The following DMD variants were observed in gnomAD, a reference collection of about 807,000 sequenced individuals.
The protein encoded by DMD is mutant dystrophin.
A neutral mutation model predicts 330.1 loss-of-function variants in DMD; 63 were observed. The observed-to-expected ratio is 0.19, with a 90% confidence interval of 0.16 to 0.24. The LOEUF (loss-of-function observed/expected upper bound fraction) is 0.24, where lower values mean the gene tolerates loss of function less well. Ranked by LOEUF, DMD falls within the 10% of genes least tolerant of loss-of-function variation. The probability of loss-of-function intolerance (pLI) is 1.00; values close to 1 mark genes in which losing one functional copy is unlikely to be tolerated. For missense variants in DMD, 3,344 were observed against 2,684.1 expected (o/e 1.25, Z -5.43); for synonymous variants, 1,223 against 959.8 (o/e 1.27, Z -5.07).
chrX:32,795,974 C>T (rs376133567), intron 7 of DMD, among the ~76,000 whole-genome samples: 5 of 110,734 alleles, frequency 4.5e-5, no homozygotes, highest in Admixed American at 9.6e-5. Flanking sequence ...CGAGGTGCAA[C>T]GAAAAGGGAA....
chrX:32,767,767 A>G (rs1052932831), intron 7 of DMD, among the ~76,000 whole-genome samples: 4 of 111,799 alleles, frequency 3.6e-5, no homozygotes, highest in African/African-American at 1.3e-4. Flanking sequence ...TGTCACAAGA[A>G]CCGATGCTTT....
At chrX:33,237,045 T>C (rs760658959) in intron 1 of DMD, among the ~76,000 whole-genome samples, 2 of 111,369 alleles carry the variant, frequency 1.8e-5, no homozygotes, top group South Asian at 7.5e-4. Context: ...GGATAGACTA[T>C]GTCAGCCCCA....
At chrX:31,204,222 C>T in intron 66 of DMD, 104 bp from the exon 67 acceptor site, 2 of 714,114 alleles carry the variant, frequency 2.8e-6, no homozygotes, top group Non-Finnish European at 4.4e-6. Context: ...CAAGAGTAGC[C>T]AGTATTTCCA....
intron 1 of DMD, among the ~76,000 whole-genome samples, chrX:33,225,856 T>C (rs775172079): frequency 3.6e-5 from 4 of 110,839 alleles, no homozygotes; most frequent in Non-Finnish European, 7.6e-5. Context: ...AGAATTCATG[T>C]AACCCAAAAG....
At chrX:32,372,085 T>A (rs1474980535) in intron 34 of DMD, among the ~76,000 whole-genome samples, 2 of 111,606 alleles carry the variant, frequency 1.8e-5, no homozygotes, top group Non-Finnish European at 3.8e-5. Flanking sequence ...GTACCAGGAC[T>A]TGTATTTGTT....
intron 44 of DMD, among the ~76,000 whole-genome samples, chrX:32,156,900 C>G (rs1274818644): frequency 9.1e-6 from 1 of 110,223 alleles, no homozygotes; most frequent in Non-Finnish European, 1.9e-5. Context: ...TTCCAAAGTG[C>G]CCTACATCCC....
chrX:32,892,207 T>C (rs2085273466), intron 2 of DMD, among the ~76,000 whole-genome samples: 1 of 111,906 alleles, frequency 8.9e-6, no homozygotes, highest in Non-Finnish European at 1.9e-5. Flanking sequence ...TACAGTTTCA[T>C]AGCCTTCTGT....
chrX:31,359,336 TCTTTA>T (rs1332024758), intron 60 of DMD, among the ~76,000 whole-genome samples: 2 of 112,067 alleles, frequency 1.8e-5, no homozygotes, highest in African/African-American at 3.2e-5. Context: ...GGCTTGAGAA[TCTTTA>T]CTTTCTTTAA....
At chrX:31,565,041 TTTTA>T (rs1481162828) in intron 55 of DMD, among the ~76,000 whole-genome samples, 10 of 112,273 alleles carry the variant, frequency 8.9e-5, no homozygotes, top group African/African-American at 3.2e-4. Flanking sequence ...TTCTGAATTG[TTTTA>T]TTTGTTTTTT....
chrX:32,044,838 A>G (rs2096049818), intron 44 of DMD, among the ~76,000 whole-genome samples: 1 of 112,477 alleles, frequency 8.9e-6, no homozygotes, highest in African/African-American at 3.2e-5. Flanking sequence ...TTCAATAAAG[A>G]AAAATATAAG....
intron 1 of DMD, among the ~76,000 whole-genome samples, chrX:33,126,041 G>GA (rs67476868): frequency 4.9e-5 from 5 of 101,565 alleles, no homozygotes; most frequent in Non-Finnish European, 5.9e-5. Flanking sequence ...TCCGTCTCAA[G>GA]AAAAAAAAAA....
rs190375527 is a variant in DMD at position 31,793,418 on chromosome X, C to T, written c.7310-19226G>A. On this transcript the variant is annotated intron_variant, in intron 50 of 78. Coordinates refer to ENST00000357033, the MANE Select transcript of DMD (RefSeq NM_004006.3). ...CTATATTGATACAGGTGCTCCTCAACGTACAATGGGATTATTTCCTGATAA... is the reference window on the plus strand; with the variant it reads ...CTATATTGATACAGGTGCTCCTCAATGTACAATGGGATTATTTCCTGATAA... 5.2e-4 allele frequency among the ~76,000 whole-genome samples: 58 copies of T among 111,283 alleles called. 1 individual carries two copies. The highest frequency in any genetic ancestry group is 2.4e-3 in the Admixed American group (25 of 10,434).
intron 63 of DMD, among the ~76,000 whole-genome samples, chrX:31,242,023 G>A (rs977482923): frequency 1.0e-4 from 11 of 110,089 alleles, no homozygotes; most frequent in Non-Finnish European, 5.7e-5. Context: ...TTAGGAAGCC[G>A]AGATGGGCAG....
At chrX:31,213,534 T>C (rs1453601241) in intron 64 of DMD, among the ~76,000 whole-genome samples, 2 of 111,915 alleles carry the variant, frequency 1.8e-5, no homozygotes, top group Non-Finnish European at 3.8e-5. Flanking sequence ...AGAGAGAAAA[T>C]GCATCGTGGT....
intron 42 of DMD, among the ~76,000 whole-genome samples, chrX:32,295,171 G>A (rs1006270200): frequency 5.4e-5 from 6 of 111,817 alleles, no homozygotes; most frequent in South Asian, 7.4e-4. Context: ...TTCTGCAAAA[G>A]GAAATTCTAA....
chrX:32,756,503 A>G (rs1448859619), intron 7 of DMD: 2 of 111,974 alleles, frequency 1.8e-5, no homozygotes, highest in Non-Finnish European at 3.8e-5. Context: ...ATATTTAAAT[A>G]ACCCTATGGG....
Position 31,444,579 on chromosome X carries a change from T to C in DMD, c.8986A>G (p.Asn2996Asp). The C allele has an allele frequency of 8.3e-7, 1 of 1,211,723 alleles. No individual in the cohort carries two copies. Among genetic ancestry groups the C allele is most frequent in the South Asian group, 1.8e-5 (1 of 57,002 alleles). The stretch of plus-strand genomic sequence containing the variant: ...GTGGTAAGCTGGCGAGCAAGGTCAT[T>C]GACGTGGCTCACGTTCTCTTTCAGA... Reference protein sequence around the residue: ...APLKENVSHVNDLARQLTTLG... With the variant: ...APLKENVSHVDDLARQLTTLG... The change falls in exon 60 of 79, where the codon AAT becomes GAT. Residue 2996 changes from asparagine to aspartate, a missense_variant. By Grantham distance (23) the Asn-to-Asp change is conservative. Transcript: ENST00000357033.
At chrX:31,366,379 C>T (rs2059229414) in intron 60 of DMD, among the ~76,000 whole-genome samples, 1 of 98,311 alleles carries the variant, frequency 1.0e-5, no homozygotes. Context: ...TGGTTTTGAA[C>T]CCTTGTGGAT....
intron 76 of DMD, among the ~76,000 whole-genome samples, chrX:31,141,087 G>A (rs1333350614): frequency 9.0e-6 from 1 of 111,101 alleles, no homozygotes; most frequent in Non-Finnish European, 1.9e-5. Flanking sequence ...AGCTACTCAG[G>A]AGGGTGAGGC....
Sources: allele counts gnomAD v4.1 joint callset (sites outside exome capture counted in the v4.1 genomes callset), GRCh38; gene constraint gnomAD v4.1.1; transcripts MANE v1.5; gene names NCBI Gene and HGNC (gene_info 2026-07-23, HGNC 2026-07-21).